The following MAP3K7CL variants were observed in gnomAD, a reference collection of about 807,000 sequenced individuals.
MAP3K7CL encodes the protein MAP3K7 C-terminal like.
Under a neutral mutation model 18.6 loss-of-function variants are expected in MAP3K7CL, and 16 were observed. The observed-to-expected ratio is 0.86, with a 90% CI of 0.58 to 1.31. The LOEUF (loss-of-function observed/expected upper bound fraction) is 1.31, where lower values mean the gene tolerates loss of function less well. Ranked by LOEUF, MAP3K7CL falls within the 50% of genes most tolerant of loss-of-function variation. The pLI, the probability that MAP3K7CL is intolerant of heterozygous loss-of-function variation, is 0.00. For synonymous variants in MAP3K7CL, 65 were observed against 66.8 expected (o/e 0.97, Z 0.13); for missense variants, 163 against 174.4 (o/e 0.93, Z 0.37).
chr21:29,126,002 T>G (rs1015240644), upstream of MAP3K7CL, among the ~76,000 whole-genome samples: 54 of 152,230 alleles, frequency 3.5e-4, no homozygotes, highest in African/African-American at 1.3e-3. Flanking sequence ...ATACATAACT[T>G]TGGGACTTTT....
At chr21:29,118,611 G>T (rs1238146925) in intron 4 of MAP3K7CL, among the ~76,000 whole-genome samples, 1 of 152,204 alleles carries the variant, frequency 6.6e-6, no homozygotes, top group Non-Finnish European at 1.5e-5. Flanking sequence ...CACAGACAAG[G>T]TGACAGGAGT....
intron 4 of MAP3K7CL, among the ~76,000 whole-genome samples, chr21:29,165,675 G>A (rs962855884): frequency 5.3e-5 from 8 of 152,182 alleles, no homozygotes; most frequent in East Asian, 1.9e-4. Flanking sequence ...AGGTTCAAGC[G>A]ATCCTCCTAC....
chr21:29,085,738 G>T (rs1009195496), upstream of MAP3K7CL: 5 of 894,980 alleles, frequency 5.6e-6, no homozygotes, highest in South Asian at 1.5e-5. Flanking sequence ...GAATGCCAAC[G>T]GCATGGTTAG....
At chr21:29,099,715 G>T (rs1316999798) in intron 4 of MAP3K7CL, among the ~76,000 whole-genome samples, 1 of 152,102 alleles carries the variant, frequency 6.6e-6, no homozygotes, top group East Asian at 1.9e-4. Context: ...GTTGGTCAGA[G>T]CAGGTTAGAA....
chr21:29,106,676 C>T (rs2086328461), intron 4 of MAP3K7CL, among the ~76,000 whole-genome samples: 1 of 152,182 alleles, frequency 6.6e-6, no homozygotes, highest in African/African-American at 2.4e-5. Context: ...AATTGAGTCA[C>T]TGCTGCCACT....
intron 2 of MAP3K7CL, among the ~76,000 whole-genome samples, chr21:29,143,124 G>T (rs529533515): frequency 2.0e-5 from 3 of 152,334 alleles, no homozygotes; most frequent in Admixed American, 2.0e-4. Flanking sequence ...TTCATAATTT[G>T]CAGGACATGG....
intron 4 of MAP3K7CL, among the ~76,000 whole-genome samples, chr21:29,105,349 T>C (rs2086302583): frequency 1.3e-5 from 2 of 152,258 alleles, no homozygotes; most frequent in South Asian, 4.1e-4. Flanking sequence ...GATTCTGCCC[T>C]GCCTTCTTCC....
intron 4 of MAP3K7CL, among the ~76,000 whole-genome samples, chr21:29,163,872 T>A (rs555988735): frequency 1.4e-3 from 209 of 152,004 alleles, no homozygotes; most frequent in African/African-American, 4.4e-3. Flanking sequence ...ATTAAAAAAA[T>A]TTTTTTAAAG....
chr21:29,091,271 C>G (rs1261716475), intron 1 of MAP3K7CL, among the ~76,000 whole-genome samples: 2 of 152,158 alleles, frequency 1.3e-5, no homozygotes, highest in African/African-American at 4.8e-5. Flanking sequence ...TAATTATCCA[C>G]CAATTTGAAT....
intron 4 of MAP3K7CL, among the ~76,000 whole-genome samples, chr21:29,105,789 C>CA (rs1177281735): frequency 2.0e-5 from 3 of 152,150 alleles, no homozygotes; most frequent in African/African-American, 7.2e-5. Flanking sequence ...TTGTATGGGA[C>CA]TAAGGTGAGT....
intron 3 of MAP3K7CL, among the ~76,000 whole-genome samples, chr21:29,157,639 G>A (rs1315846210): frequency 2.0e-5 from 3 of 152,264 alleles, no homozygotes; most frequent in Non-Finnish European, 2.9e-5. Flanking sequence ...CTTGAAATAT[G>A]TACTACCTAT....
intron 4 of MAP3K7CL, among the ~76,000 whole-genome samples, chr21:29,174,508 G>A (rs964570721): frequency 6.6e-6 from 1 of 152,144 alleles, no homozygotes; most frequent in Non-Finnish European, 1.5e-5. Context: ...TAGTATTTTG[G>A]AAGTGTCTAG....
intron 4 of MAP3K7CL, among the ~76,000 whole-genome samples, chr21:29,171,308 T>G (rs759829887): frequency 4.6e-5 from 7 of 152,202 alleles, no homozygotes; most frequent in African/African-American, 7.2e-5. Context: ...GGAACTTTGT[T>G]TATATGCGTA....
At chr21:29,080,644 G>C (rs954143323) in intron 1 of MAP3K7CL, 1 of 152,124 alleles carries the variant, frequency 6.6e-6, no homozygotes, top group Non-Finnish European at 1.5e-5. Flanking sequence ...TCTTGATATC[G>C]GTCCATCTAG....
chr21:29,091,641 A>G (rs766673568), intron 2 of MAP3K7CL: 3 of 701,148 alleles, frequency 4.3e-6, no homozygotes, highest in Non-Finnish European at 7.8e-6. Context: ...ACATCCAGCT[A>G]AGTTTTTCTT....
chr21:29,101,757 A>G (rs2086234711), intron 4 of MAP3K7CL, among the ~76,000 whole-genome samples: 1 of 152,278 alleles, frequency 6.6e-6, no homozygotes. Context: ...AAACAATAGT[A>G]TCTAATTTTT....
chr21:29,128,366 G>T (rs1461095146), upstream of MAP3K7CL, among the ~76,000 whole-genome samples: 1 of 151,062 alleles, frequency 6.6e-6, no homozygotes, highest in Admixed American at 6.6e-5. Flanking sequence ...GCAGTGGCAC[G>T]ATTTAGGCTC....
chr21:29,105,721 G>A (rs998005782), intron 4 of MAP3K7CL, among the ~76,000 whole-genome samples: 11 of 152,108 alleles, frequency 7.2e-5, no homozygotes, highest in African/African-American at 2.7e-4. Context: ...GTGTGGAAGG[G>A]GCCAGTGGGG....
intron 4 of MAP3K7CL, chr21:29,109,500 C>G: frequency 9.1e-7 from 1 of 1,096,268 alleles, no homozygotes; most frequent in South Asian, 3.6e-5. Flanking sequence ...CAGTTGTTGG[C>G]AGAGATACAG....
Sources: allele counts gnomAD v4.1 joint callset (sites outside exome capture counted in the v4.1 genomes callset), GRCh38; gene constraint gnomAD v4.1.1; transcripts MANE v1.5; gene names NCBI Gene and HGNC (gene_info 2026-07-23, HGNC 2026-07-21).